Variants in RELL1 observed in about 807,000 individuals in gnomAD.
RELL1 encodes the protein RELT like 1.
A neutral mutation model predicts 23.0 loss-of-function variants in RELL1; 10 were observed. The ratio of observed to expected loss-of-function variants is 0.43; its 90% CI spans 0.27 to 0.74. RELL1 has a LOEUF of 0.74. RELL1 is among the 30% of genes least tolerant of loss of function. RELL1 has a pLI of 0.19. For synonymous variants in RELL1, 146 were observed against 146.8 expected (o/e 0.99, Z 0.04); for missense variants, 315 against 364.4 (o/e 0.86, Z 1.10).
chr4:37,664,097 A>G (rs1211526300), intron 1 of RELL1, among the ~76,000 whole-genome samples: 1 of 152,064 alleles, frequency 6.6e-6, no homozygotes, highest in East Asian at 1.9e-4. Flanking sequence ...CAAAAGATCG[A>G]CCGGGCGCAG....
intron 6 of RELL1, among the ~76,000 whole-genome samples, chr4:37,625,689 G>A (rs1234575640): frequency 6.6e-6 from 1 of 152,042 alleles, no homozygotes. Context: ...GAAATCTATT[G>A]CACAATATGG....
chr4:37,597,894 T>TA (rs1472721420), intron 6 of RELL1, among the ~76,000 whole-genome samples: 1 of 151,478 alleles, frequency 6.6e-6, no homozygotes, highest in African/African-American at 2.4e-5. Flanking sequence ...CTACTAAAAA[T>TA]AAAAAAATTA....
At chr4:37,593,015 A>G (rs1482062767) in intron 6 of RELL1, among the ~76,000 whole-genome samples, 1 of 152,190 alleles carries the variant, frequency 6.6e-6, no homozygotes, top group African/African-American at 2.4e-5. Flanking sequence ...TAATGAGCCT[A>G]TGGGTTTGTT....
intron 6 of RELL1, among the ~76,000 whole-genome samples, chr4:37,630,368 T>G (rs865823355): frequency 4.9e-4 from 65 of 133,026 alleles, no homozygotes; most frequent in Non-Finnish European, 6.7e-4. Context: ...TTTTTTTTTT[T>G]TTTTTTTTTT....
intron 1 of RELL1, among the ~76,000 whole-genome samples, chr4:37,671,077 C>T (rs935746497): frequency 6.6e-5 from 10 of 152,118 alleles, no homozygotes; most frequent in Admixed American, 3.3e-4. Flanking sequence ...ATTCTGATAC[C>T]ACCTAGCATT....
intron 1 of RELL1, among the ~76,000 whole-genome samples, chr4:37,659,695 G>A (rs1458486519): frequency 1.3e-5 from 2 of 151,958 alleles, no homozygotes; most frequent in African/African-American, 2.4e-5. Context: ...GTCCTTCATG[G>A]TTCTCAGAAT....
At chr4:37,593,861 C>T (rs757535550) in intron 6 of RELL1, among the ~76,000 whole-genome samples, 4 of 152,122 alleles carry the variant, frequency 2.6e-5, no homozygotes, top group South Asian at 4.1e-4. Flanking sequence ...GGACAGCTAC[C>T]GCTGCTCCAA....
intron 4 of RELL1, 60 bp downstream of exon 4, chr4:37,638,387 C>A: frequency 1.5e-6 from 2 of 1,319,288 alleles, no homozygotes; most frequent in South Asian, 2.5e-5. Context: ...TCAGATGGCG[C>A]CATATCTGAG....
chr4:37,614,737 T>C (rs1222120120), intron 6 of RELL1, among the ~76,000 whole-genome samples: 2 of 152,052 alleles, frequency 1.3e-5, no homozygotes, highest in East Asian at 1.9e-4. Context: ...TAGGCCATTA[T>C]CTAGAAAACA....
Position 37,611,486 on chromosome 4 carries a change from T to C in RELL1, c.*1860A>G, listed in dbSNP as rs773372642. ...CTGGAAATAAAATCATTGAAGTCTA[T>C]GTACAGTAAATACTTTGAAGTATAT... On this transcript the variant is annotated 3_prime_UTR_variant, in exon 7 of 7. Transcript: ENST00000454158. Among the ~76,000 whole-genome samples, 1 of 152,222 alleles carries C rather than the reference T, an allele frequency of 6.6e-6. No individual in the cohort carries two copies. The highest frequency in any genetic ancestry group is 1.5e-5 in the Non-Finnish European group (1 of 68,046).
intron 1 of RELL1, among the ~76,000 whole-genome samples, chr4:37,655,920 C>T (rs1340665984): frequency 6.6e-6 from 1 of 152,050 alleles, no homozygotes; most frequent in African/African-American, 2.4e-5. Flanking sequence ...AAAATGGTGC[C>T]GCTGCTATGC....
Position 37,638,482 on chromosome 4 carries a change from C to T in RELL1, c.408G>A (p.Ala136=), listed in dbSNP as rs772637223. The T allele has an allele frequency of 4.3e-6, 7 of 1,612,538 alleles. No individual in the cohort carries two copies. The highest frequency in any genetic ancestry group is 3.3e-5 in the Admixed American group (2 of 59,850). Residue 136 remains alanine, a synonymous_variant, in exon 4 of 7, where the codon GCG becomes GCA. Coordinates refer to ENST00000454158, the MANE Select transcript of RELL1 (RefSeq NM_001085400.2). ...CATACAGGCTGTTATCTGCTACCAT[C>T]GCCTTTAAGACATCAGCATTCGCTA... is the stretch of plus-strand genomic sequence containing the variant. ...KNEANADVLK[A]MVADNSLYDP...
Position 37,673,381 on chromosome 4 carries a change from G to A in RELL1, c.88+12819C>T, listed in dbSNP as rs1187262339. Among the ~76,000 whole-genome samples, 16 of 151,450 alleles carry A rather than the reference G, an allele frequency of 1.1e-4. 1 individual carries two copies. The highest frequency in any genetic ancestry group is 9.9e-4 in the Admixed American group (15 of 15,226). On this transcript the variant is annotated intron_variant, in intron 1 of 6. Transcript: ENST00000454158. The stretch of plus-strand genomic sequence containing the variant: ...ATTTTTGTCCTATTTTTGTAGAGAC[G>A]GGGTCTTGCTATGGTTTTCGGGCTG...
chr4:37,635,142 C>A lies in RELL1; in HGVS notation c.444-19G>T. 1.3e-6 allele frequency: 2 copies of A among 1,582,562 alleles called. No individual in the cohort carries two copies. Among genetic ancestry groups the A allele is most frequent in the Admixed American group, 3.4e-5 (2 of 59,626 alleles). On this transcript the variant is annotated intron_variant, in intron 4 of 6. Coordinates refer to ENST00000454158, the MANE Select transcript of RELL1 (RefSeq NM_001085400.2). ...CACGGGGCTAATGTGGGGAGGAAAACAAAAAGAGCAACTGGTTAAAGGAAA... is the reference window on the plus strand; with the variant it reads ...CACGGGGCTAATGTGGGGAGGAAAAAAAAAAGAGCAACTGGTTAAAGGAAA...
Position 37,626,169 on chromosome 4 carries a change from G to A in RELL1, c.*3+5216C>T, listed in dbSNP as rs145258449. On this transcript the variant is annotated intron_variant, in intron 6 of 6. Coordinates refer to ENST00000454158, the MANE Select transcript of RELL1 (RefSeq NM_001085400.2). Reference sequence around the variant, plus strand: ...TTACAGTCATCATGGAAAACAGTACGCAGGTCACTAACAAAAATTAAAAAT... The same window carrying A: ...TTACAGTCATCATGGAAAACAGTACACAGGTCACTAACAAAAATTAAAAAT... 1.6e-4 allele frequency among the ~76,000 whole-genome samples: 25 copies of A among 152,210 alleles called. No individual in the cohort carries two copies. In the East Asian group the frequency reaches 3.7e-3, roughly 22 times the overall value.
chr4:37,598,056 A>T (rs886134112), intron 6 of RELL1, among the ~76,000 whole-genome samples: 1 of 115,530 alleles, frequency 8.7e-6, no homozygotes, highest in Non-Finnish European at 1.8e-5. Flanking sequence ...ATATAAAATG[A>T]TATGTAATAT....
At chr4:37,628,079 T>C (rs1720011095) in intron 6 of RELL1, among the ~76,000 whole-genome samples, 1 of 152,222 alleles carries the variant, frequency 6.6e-6, no homozygotes. Flanking sequence ...AAAATTTTAA[T>C]GAATACATAA....
intron 6 of RELL1, among the ~76,000 whole-genome samples, chr4:37,614,642 G>C (rs1228679748): frequency 6.7e-6 from 1 of 150,148 alleles, no homozygotes; most frequent in Admixed American, 6.6e-5. Flanking sequence ...AAGGTAGAAA[G>C]GCCAGAGGTA....
chr4:37,652,350 AT>A (rs1222100869), intron 1 of RELL1, among the ~76,000 whole-genome samples: 1 of 152,258 alleles, frequency 6.6e-6, no homozygotes, highest in East Asian at 1.9e-4. Context: ...AAGAATCAAT[AT>A]AATAAATACA....
Sources: allele counts gnomAD v4.1 joint callset (sites outside exome capture counted in the v4.1 genomes callset), GRCh38; gene constraint gnomAD v4.1.1; transcripts MANE v1.5; gene names NCBI Gene and HGNC (gene_info 2026-07-23, HGNC 2026-07-21).